Variants in EPHA6 observed in about 807,000 individuals in gnomAD.
The protein encoded by EPHA6 is ephrin type-A receptor 6.
In EPHA6, 50 loss-of-function variants were observed where a neutral mutation model predicts 112.0. The ratio of observed to expected loss-of-function variants is 0.45; its 90% CI spans 0.36 to 0.56. EPHA6 has a LOEUF of 0.56. Ranked by LOEUF, EPHA6 falls within the 20% of genes least tolerant of loss-of-function variation. The probability of loss-of-function intolerance (pLI) is 0.00; values close to 1 mark genes in which losing one functional copy is unlikely to be tolerated. For missense variants in EPHA6, 1,280 were observed against 1,417.4 expected, an observed-to-expected ratio of 0.90 and a Z score of 1.56; for synonymous variants, 529 against 490.7, an observed-to-expected ratio of 1.08 and a Z score of -1.03.
chr3:96,947,255 T>C (rs1412736747), intron 2 of EPHA6, among the ~76,000 whole-genome samples: 1 of 152,138 alleles, frequency 6.6e-6, no homozygotes. Flanking sequence ...AGTCCTTGCC[T>C]ATGCCTATGT....
At chr3:97,524,874 C>G (rs751560852) in intron 10 of EPHA6, among the ~76,000 whole-genome samples, 1 of 152,086 alleles carries the variant, frequency 6.6e-6, no homozygotes, top group Non-Finnish European at 1.5e-5. Flanking sequence ...TAATAAGTTT[C>G]TTCTCTTTTG....
intron 2 of EPHA6, among the ~76,000 whole-genome samples, chr3:96,947,911 A>G (rs979602014): frequency 9.9e-5 from 15 of 152,164 alleles, no homozygotes; most frequent in African/African-American, 3.4e-4. Context: ...TAAAGTTCAT[A>G]TAGACCCGAA....
chr3:97,691,216 T>A (rs2032644121), intron 14 of EPHA6, among the ~76,000 whole-genome samples: 1 of 152,358 alleles, frequency 6.6e-6, no homozygotes, highest in African/African-American at 2.4e-5. Context: ...TTGAATTATC[T>A]TGGCCCCTTT....
At chr3:97,083,330 T>C (rs2046783512) in intron 3 of EPHA6, among the ~76,000 whole-genome samples, 2 of 152,000 alleles carry the variant, frequency 1.3e-5, no homozygotes, top group South Asian at 4.1e-4. Flanking sequence ...GATTCCAATA[T>C]CGCTTTTTGT....
intron 15 of EPHA6, among the ~76,000 whole-genome samples, chr3:97,725,693 T>C (rs928399484): frequency 2.0e-5 from 3 of 152,062 alleles, no homozygotes; most frequent in East Asian, 1.9e-4. Flanking sequence ...CAGATAAATA[T>C]GTTACATGCT....
intron 6 of EPHA6, among the ~76,000 whole-genome samples, chr3:97,425,165 G>T (rs1200210292): frequency 6.6e-6 from 1 of 152,152 alleles, no homozygotes; most frequent in Non-Finnish European, 1.5e-5. Flanking sequence ...TGGATCTGCC[G>T]TTCGGGTCTG....
At chr3:97,023,301 G>A (rs1026211749) in intron 3 of EPHA6, among the ~76,000 whole-genome samples, 2 of 152,100 alleles carry the variant, frequency 1.3e-5, no homozygotes, top group Admixed American at 6.5e-5. Context: ...GGATGGTCTC[G>A]ATCTCCTGAC....
chr3:96,849,485 G>A (rs1404931537), intron 1 of EPHA6, among the ~76,000 whole-genome samples: 1 of 152,138 alleles, frequency 6.6e-6, no homozygotes, highest in Non-Finnish European at 1.5e-5. Context: ...GTCTTGCTGT[G>A]TTAATTTTTT....
chr3:97,206,166 C>T (rs2077708170), intron 3 of EPHA6, among the ~76,000 whole-genome samples: 1 of 152,012 alleles, frequency 6.6e-6, no homozygotes, highest in African/African-American at 2.4e-5. Context: ...TTTACAATGC[C>T]ACTTTTTTCT....
chr3:97,230,632 A>G (rs1485098194), intron 4 of EPHA6, among the ~76,000 whole-genome samples: 1 of 152,172 alleles, frequency 6.6e-6, no homozygotes, highest in African/African-American at 2.4e-5. Context: ...GACAGACTCC[A>G]GTAACAAAAG....
intron 5 of EPHA6, among the ~76,000 whole-genome samples, chr3:97,351,129 A>G (rs561130538): frequency 9.2e-5 from 14 of 152,340 alleles, no homozygotes; most frequent in African/African-American, 3.4e-4. Flanking sequence ...AAAAAATGGC[A>G]GACATCCATC....
chr3:96,814,837 A>C lies in EPHA6; in HGVS notation c.214A>C (p.Thr72Pro). 6.3e-7 allele frequency: 1 copy of C among 1,576,584 alleles called. No individual in the cohort carries two copies. The highest frequency in any genetic ancestry group is 8.6e-7 in the Non-Finnish European group (1 of 1,160,852). Reference sequence around the variant, plus strand: ...AGACGTGGACAAGGACCCCCATCCTACCCAGAACACCTGCCTGCGCTGCCG... The same window carrying C: ...AGACGTGGACAAGGACCCCCATCCTCCCCAGAACACCTGCCTGCGCTGCCG... Reference protein sequence around the residue: ...EEDVDKDPHPTQNTCLRCRHF... With the variant: ...EEDVDKDPHPPQNTCLRCRHF... The change falls in exon 1 of 18, where the codon ACC becomes CCC. Residue 72 changes from threonine (T) to proline (P), a missense_variant. Physicochemically the swap from Thr to Pro is conservative, Grantham distance 38. Around this residue, in one of 4 missense-constraint regions of EPHA6, gnomAD observed 220 missense variants for 171.5 expected, o/e 1.28. Coordinates refer to ENST00000389672, the MANE Select transcript of EPHA6 (RefSeq NM_001080448.3).
chr3:97,280,465 A>C (rs1236061708), intron 5 of EPHA6, among the ~76,000 whole-genome samples: 1 of 152,166 alleles, frequency 6.6e-6, no homozygotes. Context: ...CATAAGACTC[A>C]CTAATAATTG....
At chr3:97,279,446 A>G (rs1457108777) in intron 5 of EPHA6, among the ~76,000 whole-genome samples, 1 of 152,102 alleles carries the variant, frequency 6.6e-6, no homozygotes. Flanking sequence ...AGCCATCATA[A>G]GCATCTTTTG....
At chr3:96,918,010 G>A (rs866915374) in intron 2 of EPHA6, among the ~76,000 whole-genome samples, 4 of 152,202 alleles carry the variant, frequency 2.6e-5, no homozygotes, top group Admixed American at 6.5e-5. Flanking sequence ...CAAAACTTAC[G>A]TCTAAAAAAT....
At chr3:97,036,954 G>A (rs183006192) in intron 3 of EPHA6, among the ~76,000 whole-genome samples, 9 of 151,982 alleles carry the variant, frequency 5.9e-5, no homozygotes, top group Admixed American at 3.3e-4. Context: ...GCCGACCCCT[G>A]GAGAATTCCA....
At chr3:97,160,679 C>G (rs1478726939) in intron 3 of EPHA6, among the ~76,000 whole-genome samples, 1 of 152,152 alleles carries the variant, frequency 6.6e-6, no homozygotes, top group Non-Finnish European at 1.5e-5. Flanking sequence ...TTCCAAGTTC[C>G]TAATCATCTA....
chr3:97,003,455 G>A (rs1369413170), intron 3 of EPHA6, among the ~76,000 whole-genome samples: 1 of 152,144 alleles, frequency 6.6e-6, no homozygotes, highest in Non-Finnish European at 1.5e-5. Flanking sequence ...TTGGAAATTA[G>A]CAGCCATCGT....
chr3:96,843,020 A>G (rs974242733), intron 1 of EPHA6, among the ~76,000 whole-genome samples: 8 of 152,052 alleles, frequency 5.3e-5, no homozygotes, highest in African/African-American at 1.7e-4. Context: ...AAAAACAGAT[A>G]ATGTCTTTTC....
Sources: gnomAD v4.1 joint callset for allele counts (sites outside exome capture counted in the v4.1 genomes callset) on GRCh38, gnomAD v4.1.1 for gene constraint, gnomAD v4.1.1 regional missense constraint, MANE v1.5 for transcripts, NCBI Gene and HGNC (gene_info 2026-07-23, HGNC 2026-07-21) for gene names.